RRAGD: variants seen among roughly 807,000 people sequenced by gnomAD.
RRAGD encodes the protein ras-related GTP-binding protein D.
In RRAGD, 12 loss-of-function variants were observed where a neutral mutation model predicts 35.5. The ratio of observed to expected loss-of-function variants is 0.34; its 90% CI spans 0.22 to 0.55. The LOEUF is 0.55. RRAGD is among the 20% of genes least tolerant of loss of function. The probability of loss-of-function intolerance (pLI) is 0.91; values close to 1 mark genes in which losing one functional copy is unlikely to be tolerated. For missense variants in RRAGD, 324 were observed against 490.1 expected (o/e 0.66, Z 3.20); for synonymous variants, 155 against 178.9 (o/e 0.87, Z 1.07).
At chr6:89,371,501 G>C (rs1383025260) in intron 6 of RRAGD, among the ~76,000 whole-genome samples, 1 of 152,060 alleles carries the variant, frequency 6.6e-6, no homozygotes, top group Non-Finnish European at 1.5e-5. Context: ...AAAAGAGAGA[G>C]AAAGGGAGAA....
intron 1 of RRAGD, among the ~76,000 whole-genome samples, chr6:89,391,384 C>CA (rs36108326): frequency 0.12 from 12,987 of 107,666 alleles, 877 homozygotes; most frequent in East Asian, 0.32. Context: ...GACCCTGTCT[C>CA]AAAAAAAAAA....
chr6:89,398,087 G>A (rs1408478275), intron 1 of RRAGD, among the ~76,000 whole-genome samples: 2 of 152,040 alleles, frequency 1.3e-5, no homozygotes, highest in Non-Finnish European at 2.9e-5. Context: ...GTGGAAGTTA[G>A]TGAGCCAAGA....
intron 1 of RRAGD, among the ~76,000 whole-genome samples, chr6:89,409,918 T>G (rs948099961): frequency 2.6e-5 from 4 of 152,162 alleles, no homozygotes; most frequent in Non-Finnish European, 5.9e-5. Flanking sequence ...TCTCACAATA[T>G]AAATATATTT....
chr6:89,376,648 G>A lies in RRAGD; in HGVS notation c.902+1023C>T, dbSNP rs555497340. 5.3e-5 allele frequency among the ~76,000 whole-genome samples: 8 copies of A among 152,130 alleles called. No homozygotes were observed. The South Asian group carries it at 8.3e-4, about 16-fold the overall frequency. ...AATTATGTAGAATTGTTTCTACATCGGGTAACATAATCAGTTTCCCCCACT... is the reference window on the plus strand; with the variant it reads ...AATTATGTAGAATTGTTTCTACATCAGGTAACATAATCAGTTTCCCCCACT... On this transcript the variant is annotated intron_variant, in intron 5 of 6. Coordinates refer to ENST00000369415, the MANE Select transcript of RRAGD (RefSeq NM_021244.5).
At chr6:89,377,347 C>T (rs974580435) in intron 5 of RRAGD, among the ~76,000 whole-genome samples, 3 of 152,184 alleles carry the variant, frequency 2.0e-5, no homozygotes, top group Non-Finnish European at 4.4e-5. Flanking sequence ...GGCACAGTGG[C>T]TCATGCCTAT....
chr6:89,403,100 CAT>C (rs1769504640), intron 1 of RRAGD, among the ~76,000 whole-genome samples: 1 of 152,130 alleles, frequency 6.6e-6, no homozygotes, highest in South Asian at 2.1e-4. Context: ...TGCTTAAAAA[CAT>C]ATTAAGACAG....
At chr6:89,398,397 T>C (rs952084815) in intron 1 of RRAGD, among the ~76,000 whole-genome samples, 2 of 152,124 alleles carry the variant, frequency 1.3e-5, no homozygotes, top group African/African-American at 2.4e-5. Context: ...ACCCTAACAG[T>C]TATAGTTGCT....
At chr6:89,389,771 T>A (rs1157004339) in intron 1 of RRAGD, among the ~76,000 whole-genome samples, 6 of 152,162 alleles carry the variant, frequency 3.9e-5, no homozygotes, top group African/African-American at 1.4e-4. Context: ...GTTAAGGCTG[T>A]GAAGTCAGCA....
chr6:89,409,687 A>G (rs895228450), intron 1 of RRAGD, among the ~76,000 whole-genome samples: 2 of 152,210 alleles, frequency 1.3e-5, no homozygotes, highest in Non-Finnish European at 2.9e-5. Flanking sequence ...TCCTCGCTGG[A>G]ATTGCTGACT....
In RRAGD at chr6:89,387,408, C is replaced by T. The variant is rs1222610053; in HGVS notation, c.331G>A (p.Val111Ile). The stretch of plus-strand genomic sequence containing the variant: ...GGGAAGTCCCAAATCTGAAAATTGA[C>T]AAAGGAGCTGTTGGAAACATCTTCC... ...CREDVSNSSF[V>I]NFQIWDFPGQ... Residue 111 changes from valine (V) to isoleucine (I), a missense_variant, in exon 2 of 7, where the codon GTC becomes ATC. Around this residue, in one of 5 missense-constraint regions of RRAGD, gnomAD observed 152 missense variants for 296.9 expected, o/e 0.51. Transcript: ENST00000369415. 2 of 1,614,170 alleles carry T rather than the reference C, an allele frequency of 1.2e-6. No individual in the cohort carries two copies. Among genetic ancestry groups the T allele is most frequent in the Non-Finnish European group, 1.7e-6 (2 of 1,180,024 alleles).
At chr6:89,369,339 G>C (rs1156473150) in intron 6 of RRAGD, among the ~76,000 whole-genome samples, 1 of 152,234 alleles carries the variant, frequency 6.6e-6, no homozygotes, top group South Asian at 2.1e-4. Context: ...TGAGATGTGA[G>C]AGCCTCAAGA....
chr6:89,369,420 T>C (rs1283623840), intron 6 of RRAGD, among the ~76,000 whole-genome samples: 1 of 152,122 alleles, frequency 6.6e-6, no homozygotes, highest in Non-Finnish European at 1.5e-5. Flanking sequence ...ATGAGAAGGG[T>C]ACAATGAAAT....
At position 89,411,770 on chromosome 6, in the gene RRAGD, C is replaced by T. The variant is rs113086318; in HGVS notation, c.148+76G>A. The T allele has an allele frequency of 9.6e-6, 14 of 1,463,258 alleles. No individual in the cohort carries two copies. Among genetic ancestry groups the T allele is most frequent in the Non-Finnish European group, 2.7e-6 (3 of 1,100,178 alleles). 90.6% of individuals were successfully genotyped at this position (1,463,258 alleles called of 1,614,324 possible). A position where few individuals can be genotyped will look rare whatever the true frequency, so the allele number is the denominator to read the frequency against. ...CCCCTCCAAGTCGGTGGCTCGCGCA[C>T]GGCCGGGCTGGGGGCGGGAAGGCGC... On this transcript the variant is annotated intron_variant, in intron 1 of 6. Transcript: ENST00000369415. The surrounding 1 kb of genome is among the most constrained non-coding windows in gnomAD (Gnocchi z 5.6).
At chr6:89,393,762 T>C (rs1027615053) in intron 1 of RRAGD, among the ~76,000 whole-genome samples, 1 of 152,146 alleles carries the variant, frequency 6.6e-6, no homozygotes, top group African/African-American at 2.4e-5. Flanking sequence ...GCAGAGTTAA[T>C]AACAGAATCA....
chr6:89,402,068 G>T (rs1315443269), intron 1 of RRAGD, among the ~76,000 whole-genome samples: 2 of 38,444 alleles, frequency 5.2e-5, no homozygotes, highest in African/African-American at 6.6e-4. Context: ...TTTGGTGGGG[G>T]ATGGAGTCCA....
At chr6:89,404,303 T>G (rs776446181) in intron 1 of RRAGD, among the ~76,000 whole-genome samples, 2 of 152,154 alleles carry the variant, frequency 1.3e-5, no homozygotes, top group Admixed American at 1.3e-4. Flanking sequence ...AAACACTCAA[T>G]AGATGTTTGT....
Position 89,411,603 on chromosome 6 carries a change from G to A in RRAGD, c.148+243C>T, listed in dbSNP as rs1406329019. ...AAGCGCGCGCTCCTCCAGCCCAGAC[G>A]CTTACTCCCTCCTTCCCCTTTTCCA... On this transcript the variant is annotated intron_variant, in intron 1 of 6. Coordinates refer to ENST00000369415, the MANE Select transcript of RRAGD (RefSeq NM_021244.5). The surrounding 1 kb of genome is among the most constrained non-coding windows in gnomAD (Gnocchi z 5.6). 3.7e-6 allele frequency: 2 copies of A among 546,794 alleles called. No homozygotes were observed. Among genetic ancestry groups the A allele is most frequent in the Non-Finnish European group, 6.5e-6 (2 of 308,556 alleles). The allele number at this position is 546,794 out of a possible 1,614,324, so 33.9% of individuals were successfully genotyped here.
rs1353210305 is a variant in RRAGD, at chr6:89,391,815, G to A, written c.149-4225C>T. Among the ~76,000 whole-genome samples, 3 of 151,942 alleles carry A rather than the reference G, an allele frequency of 2.0e-5. No homozygotes were observed. The East Asian group carries it at 5.8e-4, about 29-fold the overall frequency. ...AAAAAAAAATGCTAAAAATTAGCCA[G>A]GTGTGGTGGCACGCACCTGTAGTCC... On this transcript the variant is annotated intron_variant, in intron 1 of 6. Transcript: ENST00000369415.
chr6:89,403,169 C>T (rs890770442), intron 1 of RRAGD, among the ~76,000 whole-genome samples: 2 of 152,166 alleles, frequency 1.3e-5, no homozygotes, highest in African/African-American at 2.4e-5. Flanking sequence ...CGGCCGGGCG[C>T]GGTGGCTCAC....
Sources: gnomAD v4.1 joint callset for allele counts (sites outside exome capture counted in the v4.1 genomes callset) on GRCh38, gnomAD v4.1.1 for gene constraint, gnomAD v4.1.1 regional missense constraint, Gnocchi (gnomAD v3.1) non-coding constraint, MANE v1.5 for transcripts, NCBI Gene and HGNC (gene_info 2026-07-23, HGNC 2026-07-21) for gene names.